Variants in NEDD4L observed in about 807,000 individuals in gnomAD.
The protein encoded by NEDD4L is E3 ubiquitin-protein ligase NEDD4-like.
Under a neutral mutation model 148.9 loss-of-function variants are expected in NEDD4L, and 54 were observed. The observed-to-expected ratio is 0.36, with a 90% CI of 0.29 to 0.45. The LOEUF (loss-of-function observed/expected upper bound fraction) is 0.45. Ranked by LOEUF, NEDD4L falls within the 20% of genes least tolerant of loss-of-function variation. The pLI, the probability that NEDD4L is intolerant of heterozygous loss-of-function variation, is 1.00. For synonymous variants in NEDD4L, 433 were observed against 440.7 expected, an observed-to-expected ratio of 0.98 and a Z score of 0.22; for missense variants, 856 against 1,233.8, an observed-to-expected ratio of 0.69 and a Z score of 4.59.
rs537419158 is a variant in NEDD4L, at chr18:58,047,234, C to G, written c.48+2526C>G. The G allele has an allele frequency of 9.4e-5, 93 of 984,664 alleles. 1 individual carries two copies. In the African/African-American group the frequency reaches 1.5e-3, roughly 16 times the overall value. 61.0% of individuals were successfully genotyped at this position (984,664 alleles called of 1,614,324 possible). On this transcript the variant is annotated intron_variant, in intron 1 of 30. Coordinates refer to ENST00000400345, the MANE Select transcript of NEDD4L (RefSeq NM_001144967.3). Reference sequence around the variant, plus strand: ...ATATCACATATGAAGATATTTTGACCGCTATTTAGAAGAGTGACCTCATAA... The same window carrying G: ...ATATCACATATGAAGATATTTTGACGGCTATTTAGAAGAGTGACCTCATAA...
chr18:58,255,770 C>T, intron 5 of NEDD4L: 1 of 1,232,572 alleles, frequency 8.1e-7, no homozygotes, highest in Non-Finnish European at 1.0e-6. Flanking sequence ...GAGAAGCAGC[C>T]CGCACCCCTT....
chr18:58,390,027 A>T (rs1030533159), intron 28 of NEDD4L: 1 of 152,280 alleles, frequency 6.6e-6, no homozygotes, highest in Non-Finnish European at 1.5e-5. Flanking sequence ...GAATACAGAG[A>T]TAAAAAAGCA....
chr18:58,188,197 C>G (rs531803562), intron 2 of NEDD4L, among the ~76,000 whole-genome samples: 1 of 152,200 alleles, frequency 6.6e-6, no homozygotes, highest in South Asian at 2.1e-4. Flanking sequence ...CCTCCAGCAC[C>G]TCATTTCTCC....
At position 58,398,125 on chromosome 18, in the gene NEDD4L, G is replaced by C. The variant is rs2050608432; in HGVS notation, c.*1856G>C. 1 of 124,116 alleles carries C rather than the reference G, an allele frequency of 8.1e-6. No homozygotes were observed. Among genetic ancestry groups the C allele is most frequent in the Admixed American group, 9.7e-5 (1 of 10,332 alleles). 7.7% of individuals were successfully genotyped at this position (124,116 alleles called of 1,614,324 possible). ...TTTCTTATTGGTTGAAAATTACCTG[G>C]TAGTGATCAGAAAACTTAGATGCTA... On this transcript the variant is annotated 3_prime_UTR_variant, in exon 31 of 31. Coordinates refer to ENST00000400345, the MANE Select transcript of NEDD4L (RefSeq NM_001144967.3).
chr18:58,048,408 C>T (rs1322919040), intron 1 of NEDD4L, among the ~76,000 whole-genome samples: 1 of 152,116 alleles, frequency 6.6e-6, no homozygotes, highest in African/African-American at 2.4e-5. Context: ...CATACTATGT[C>T]ATTTAGTTCT....
At chr18:58,262,565 G>A (rs1388065430) in intron 5 of NEDD4L, among the ~76,000 whole-genome samples, 9 of 151,764 alleles carry the variant, frequency 5.9e-5, no homozygotes, top group Non-Finnish European at 7.4e-5. Flanking sequence ...GGAGGCGGAG[G>A]TTGCAGTGAG....
At chr18:58,088,319 G>T (rs2083877099) in intron 1 of NEDD4L, among the ~76,000 whole-genome samples, 1 of 152,212 alleles carries the variant, frequency 6.6e-6, no homozygotes, top group Admixed American at 6.5e-5. Flanking sequence ...CAGGAGGCAA[G>T]AATTATTGGG....
chr18:58,344,397 G>C (rs2042796691), intron 16 of NEDD4L, among the ~76,000 whole-genome samples: 1 of 152,120 alleles, frequency 6.6e-6, no homozygotes, highest in East Asian at 1.9e-4. Flanking sequence ...TAACAAACTT[G>C]GCTTCTGCTA....
At chr18:58,218,210 C>A (rs750618552) in intron 2 of NEDD4L, among the ~76,000 whole-genome samples, 1 of 152,110 alleles carries the variant, frequency 6.6e-6, no homozygotes, top group African/African-American at 2.4e-5. Context: ...TTGAAACAAG[C>A]TGATCCATTG....
At chr18:58,346,992 A>T (rs1197292050) in intron 16 of NEDD4L, among the ~76,000 whole-genome samples, 1 of 152,054 alleles carries the variant, frequency 6.6e-6, no homozygotes, top group African/African-American at 2.4e-5. Context: ...CTCAGAGCTG[A>T]TTCATGGCAG....
intron 30 of NEDD4L, among the ~76,000 whole-genome samples, chr18:58,395,624 G>A (rs1568962412): frequency 6.6e-6 from 1 of 152,150 alleles, no homozygotes; most frequent in East Asian, 1.9e-4. Flanking sequence ...GACAGCCTGG[G>A]TTCTGTTTGT....
chr18:58,127,857 A>AC (rs2145910561), intron 1 of NEDD4L, among the ~76,000 whole-genome samples: 1 of 141,920 alleles, frequency 7.0e-6, no homozygotes, highest in East Asian at 2.0e-4. Flanking sequence ...AAAAAAAAAA[A>AC]AAGAATCAAC....
At chr18:58,075,188 TTTAG>T (rs1278176206) in intron 1 of NEDD4L, among the ~76,000 whole-genome samples, 7 of 152,150 alleles carry the variant, frequency 4.6e-5, no homozygotes, top group Admixed American at 6.5e-5. Context: ...GAAGTCATTT[TTTAG>T]TTAGTTAGTT....
At position 58,059,463 on chromosome 18, in the gene NEDD4L, T is replaced by C. The variant is rs576386970; in HGVS notation, c.48+14755T>C. On this transcript the variant is annotated intron_variant, in intron 1 of 30. Coordinates refer to ENST00000400345, the MANE Select transcript of NEDD4L (RefSeq NM_001144967.3). ...CCACTGTCAATACCAGAGCATCTGC[T>C]TGAAACCAATGTTTCTTTTGTGACT... 7.9e-5 allele frequency among the ~76,000 whole-genome samples: 12 copies of C among 152,354 alleles called. No homozygotes were observed. The South Asian group carries it at 8.3e-4, about 11-fold the overall frequency.
At chr18:58,155,734 C>T (rs1430231693) in intron 1 of NEDD4L, among the ~76,000 whole-genome samples, 1 of 152,146 alleles carries the variant, frequency 6.6e-6, no homozygotes, top group Non-Finnish European at 1.5e-5. Flanking sequence ...GGGTGAGCAT[C>T]ATTCATGGCG....
In NEDD4L at chr18:58,093,336, G is replaced by A. The variant is rs569803478; in HGVS notation, c.48+48628G>A. On this transcript the variant is annotated intron_variant, in intron 1 of 30. Transcript: ENST00000400345. ...CAGGCATCTTGAATGATAGATGTTT[G>A]GTAAGAACTGCGCAAGACAGTGTAC... 4.6e-5 allele frequency among the ~76,000 whole-genome samples: 7 copies of A among 152,244 alleles called. No homozygotes were observed. In the South Asian group the frequency reaches 1.2e-3, roughly 27 times the overall value.
rs930113200 is a variant in NEDD4L at position 58,183,462 on chromosome 18, T to C, written c.122+17601T>C. Among the ~76,000 whole-genome samples the C allele has an allele frequency of 3.7e-4, 57 of 152,206 alleles. 1 individual carries two copies. Among genetic ancestry groups the C allele is most frequent in the Non-Finnish European group, 1.2e-4 (8 of 68,038 alleles). On this transcript the variant is annotated intron_variant, in intron 2 of 30. Coordinates refer to ENST00000400345, the MANE Select transcript of NEDD4L (RefSeq NM_001144967.3). ...CATTTGTGCCGGTTCTTAAAGTGTT[T>C]CTTGAGCTGCACATTAATAGGCCAT...
At chr18:58,245,725 G>T (rs972337584) in intron 3 of NEDD4L, among the ~76,000 whole-genome samples, 1 of 142,100 alleles carries the variant, frequency 7.0e-6, no homozygotes. Flanking sequence ...CTGTCGCCCA[G>T]GCTGGAGTGC....
At chr18:58,180,700 G>A (rs1750398525) in intron 2 of NEDD4L, among the ~76,000 whole-genome samples, 1 of 152,136 alleles carries the variant, frequency 6.6e-6, no homozygotes, top group Non-Finnish European at 1.5e-5. Context: ...AAAACATGCA[G>A]GTTCTGAATT....
Sources: gnomAD v4.1 joint callset for allele counts (sites outside exome capture counted in the v4.1 genomes callset) on GRCh38, gnomAD v4.1.1 for gene constraint, MANE v1.5 for transcripts, NCBI Gene and HGNC (gene_info 2026-07-23, HGNC 2026-07-21) for gene names.